The following ZNF770 variants were observed in gnomAD, a reference collection of about 807,000 sequenced individuals.
ZNF770 encodes zinc finger protein 770.
In ZNF770, 13 loss-of-function variants were observed where a neutral mutation model predicts 44.8. The ratio of observed to expected loss-of-function variants is 0.29; its 90% CI spans 0.19 to 0.46. The LOEUF (loss-of-function observed/expected upper bound fraction) is 0.46. ZNF770 is among the 20% of genes least tolerant of loss of function. The pLI is 1.00. For missense variants in ZNF770, 681 were observed against 797.9 expected, an observed-to-expected ratio of 0.85 and a Z score of 1.77; for synonymous variants, 304 against 271.8, an observed-to-expected ratio of 1.12 and a Z score of -1.17.
chr15:34,986,670 T>A (rs984745535), intron 2 of ZNF770, among the ~76,000 whole-genome samples: 3 of 152,184 alleles, frequency 2.0e-5, no homozygotes, highest in African/African-American at 7.2e-5. Flanking sequence ...GTTGATGCAG[T>A]GCATATGAGG....
chr15:34,982,235 A>C lies in ZNF770; in HGVS notation c.1200T>G (p.Asn400Lys), dbSNP rs1001134146. The C allele has an allele frequency of 1.9e-6, 3 of 1,613,616 alleles. No homozygotes were observed. The African/African-American group carries it at 4.0e-5, about 22-fold the overall frequency. ...GKHGTYKTIG[N>K]RKKKTLTLPF... ...GCAAAGTCAATGTTTTCTTCTTTCT[A>C]TTGCCAATTGTTTTATATGTTCCAT... The change falls in exon 3 of 3, where the codon AAT becomes AAG. Residue 400 changes from asparagine (N) to lysine (K), a missense_variant. This residue lies in a region of ZNF770 where 432 missense variants were observed against 434.1 expected (regional missense o/e 1.00). Transcript: ENST00000356321.
intron 2 of ZNF770, 139 bp from the exon 3 acceptor site, chr15:34,983,629 A>G (rs1350250791): frequency 1.0e-5 from 4 of 385,430 alleles, no homozygotes; most frequent in African/African-American, 8.3e-5. Flanking sequence ...AATCATTTTA[A>G]GTAATACTTT....
In ZNF770 at chr15:34,979,836, G is replaced by A; in HGVS notation, c.*1523C>T. 1 of 308,028 alleles carries A rather than the reference G, an allele frequency of 3.2e-6. No individual in the cohort carries two copies. The highest frequency in any genetic ancestry group is 6.5e-6 in the Non-Finnish European group (1 of 155,006). 19.1% of individuals were successfully genotyped at this position (308,028 alleles called of 1,614,324 possible). ...TAACGGTTCATTCCTTTTATTGCTA[G>A]AGAATGTCATTCCTGAAGATTTTAT... On this transcript the variant is annotated 3_prime_UTR_variant, in exon 3 of 3. Transcript: ENST00000356321.
rs370239341 is a variant in ZNF770 at position 34,983,454 on chromosome 15, T to A, written c.-20A>T. 1 of 1,518,694 alleles carries A rather than the reference T, an allele frequency of 6.6e-7. No homozygotes were observed. Among genetic ancestry groups the A allele is most frequent in the East Asian group, 2.3e-5 (1 of 43,854 alleles). 94.1% of individuals were successfully genotyped at this position (1,518,694 alleles called of 1,614,324 possible). ...CATCATATTCTTCAATGATATACTC[T>A]GATGAGCTCCATACTGTTCTTAAAT... is the stretch of plus-strand genomic sequence containing the variant. On this transcript the variant is annotated 5_prime_UTR_variant, in exon 3 of 3. It introduces an in-frame stop codon into an upstream open reading frame of the 5' UTR. Coordinates refer to ENST00000356321, the MANE Select transcript of ZNF770 (RefSeq NM_014106.4).
rs1190210819 is a variant in ZNF770 at position 34,982,505 on chromosome 15, A to G, written c.930T>C (p.Asn310=). 1 of 1,614,058 alleles carries G rather than the reference A, an allele frequency of 6.2e-7. No individual in the cohort carries two copies. The highest frequency in any genetic ancestry group is 1.7e-5 in the Admixed American group (1 of 60,006). ...EKCFESEQIL[N]EHSCFAARSG... ...TTCTAGCAGCAAAACAGCTGTGTTC[A>G]TTGAGAATCTGCTCTGATTCAAAAC... The change falls in exon 3 of 3, where the codon AAT becomes AAC. Residue 310 remains asparagine, a synonymous_variant. Transcript: ENST00000356321.
In ZNF770 at chr15:34,983,233, C is replaced by T; in HGVS notation, c.202G>A (p.Val68Ile). Residue 68 changes from valine (V) to isoleucine (I), a missense_variant, in exon 3 of 3, where the codon GTT becomes ATT. Val to Ile is a conservative substitution (Grantham distance 29). Around this residue, in one of 5 missense-constraint regions of ZNF770, gnomAD observed 65 missense variants for 115.0 expected, o/e 0.57. Coordinates refer to ENST00000356321, the MANE Select transcript of ZNF770 (RefSeq NM_014106.4). ...GTTAGTTGATGCCTCTCCAGATGAA[C>T]TAGTTGTCTAAAGGTTTTATGACAC... ...DVCHKTFRQL[V>I]HLERHQLTHS... 1 of 1,613,010 alleles carries T rather than the reference C, an allele frequency of 6.2e-7. No homozygotes were observed. The highest frequency in any genetic ancestry group is 8.5e-7 in the Non-Finnish European group (1 of 1,179,196).
chr15:34,979,710 T>C lies in ZNF770; in HGVS notation c.*1649A>G. 2.2e-6 allele frequency: 1 copy of C among 446,944 alleles called. No individual in the cohort carries two copies. The highest frequency in any genetic ancestry group is 1.6e-5 in the South Asian group (1 of 62,686). 27.7% of individuals were successfully genotyped at this position (446,944 alleles called of 1,614,324 possible). The stretch of plus-strand genomic sequence containing the variant: ...AGTTCTCAGTTTATGATGCAAAACT[T>C]ACAATTGTTCATTTATCCACATTCT... On this transcript the variant is annotated 3_prime_UTR_variant, in exon 3 of 3. Transcript: ENST00000356321.
rs151083333 is a variant in ZNF770, at chr15:34,986,874, G to A, written c.-57+683C>T. Among the ~76,000 whole-genome samples the A allele has an allele frequency of 5.3e-5, 8 of 152,354 alleles. No individual in the cohort carries two copies. The East Asian group carries it at 1.5e-3, about 29-fold the overall frequency. ...GGCTAGGAAAGAAGTTATGGGATTT[G>A]CATATCTAGCAGGAGGGGCAGGGCA... On this transcript the variant is annotated intron_variant, in intron 2 of 2. Transcript: ENST00000356321.
Position 34,981,240 on chromosome 15 carries a change from G to A in ZNF770, c.*119C>T. ...TCTACCTCCTTACTATGCAGGACAA[G>A]CAAATGCCTGTGAAACCATTCAGTT... On this transcript the variant is annotated 3_prime_UTR_variant, in exon 3 of 3. Transcript: ENST00000356321. 1 of 1,032,704 alleles carries A rather than the reference G, an allele frequency of 9.7e-7. No individual in the cohort carries two copies. Among genetic ancestry groups the A allele is most frequent in the Non-Finnish European group, 1.4e-6 (1 of 733,484 alleles). 64.0% of individuals were successfully genotyped at this position (1,032,704 alleles called of 1,614,324 possible). A position where few individuals can be genotyped will look rare whatever the true frequency, so the allele number is the denominator to read the frequency against.
Position 34,980,220 on chromosome 15 carries a change from G to C in ZNF770, c.*1139C>G, listed in dbSNP as rs1365609967. On this transcript the variant is annotated 3_prime_UTR_variant, in exon 3 of 3. Coordinates refer to ENST00000356321, the MANE Select transcript of ZNF770 (RefSeq NM_014106.4). ...TATGGAGATGAAGATCTCTAGAATA[G>C]TCTTAAGTCTATGACTACTGCTATC... 1 of 152,216 alleles carries C rather than the reference G, an allele frequency of 6.6e-6. No individual in the cohort carries two copies. The highest frequency in any genetic ancestry group is 2.4e-5 in the African/African-American group (1 of 41,436). The allele number at this position is 152,216 out of a possible 1,614,324, so 9.4% of individuals were successfully genotyped here.
rs754504168 is a variant in ZNF770, at chr15:34,982,829, G to C, written c.606C>G (p.His202Gln). 6.2e-6 allele frequency: 10 copies of C among 1,613,844 alleles called. No individual in the cohort carries two copies. Among genetic ancestry groups the C allele is most frequent in the Admixed American group, 3.3e-5 (2 of 60,004 alleles). ...AATGTGTAAGTTGGTGGATTTTTAA[G>C]TGAGTTGACTGTCGAAAAGATTTAG... Reference protein sequence around the residue: ...LCTKSFRQSTHLKIHQLTHSE... With the variant: ...LCTKSFRQSTQLKIHQLTHSE... Residue 202 changes from histidine (H) to glutamine (Q), a missense_variant, in exon 3 of 3, where the codon CAC (histidine) becomes CAG (glutamine). Coordinates refer to ENST00000356321, the MANE Select transcript of ZNF770 (RefSeq NM_014106.4).
In ZNF770 at chr15:34,982,402, G is replaced by A. The variant is rs150448070; in HGVS notation, c.1033C>T (p.Arg345Cys). The change falls in exon 3 of 3, where the codon CGT becomes TGT. Residue 345 changes from arginine (R) to cysteine (C), a missense_variant. Physicochemically the swap from Arg to Cys is radical, Grantham distance 180 (BLOSUM62 -3). Coordinates refer to ENST00000356321, the MANE Select transcript of ZNF770 (RefSeq NM_014106.4). ...IVKKILAKLK[R>C]ARSKKLDNFQ... ...TTATCTAATTTTTTACTCCTAGCAC[G>A]CTTAAGCTTGGCCAAGATTTTTTTA... is the stretch of plus-strand genomic sequence containing the variant. 29 of 1,612,860 alleles carry A rather than the reference G, an allele frequency of 1.8e-5. No homozygotes were observed. Among genetic ancestry groups the A allele is most frequent in the Middle Eastern group, 3.3e-4 (2 of 6,054 alleles).
intron 2 of ZNF770, among the ~76,000 whole-genome samples, chr15:34,984,906 G>A (rs1381550205): frequency 6.6e-6 from 1 of 152,034 alleles, no homozygotes; most frequent in Non-Finnish European, 1.5e-5. Context: ...GCCAAGGCAG[G>A]GAGATCACAT....
Position 34,982,164 on chromosome 15 carries a change from G to A in ZNF770, c.1271C>T (p.Thr424Met), listed in dbSNP as rs573343784. Residue 424 changes from threonine (T) to methionine (M), a missense_variant, in exon 3 of 3, where the codon ACG becomes ATG. Around this residue, in one of 5 missense-constraint regions of ZNF770, gnomAD observed 432 missense variants for 434.1 expected, o/e 1.00. Coordinates refer to ENST00000356321, the MANE Select transcript of ZNF770 (RefSeq NM_014106.4). ...ATCAATGCTTAATATGTTTTCTGTC[G>A]TAAGGATGCCTTTCAAATTTTTTCC... The part of the protein sequence containing the change: ...NMGKNLKGIL[T>M]TENILSIDNS... 165 of 1,613,106 alleles carry A rather than the reference G, an allele frequency of 1.0e-4. No homozygotes were observed. Among genetic ancestry groups the A allele is most frequent in the Admixed American group, 7.7e-4 (46 of 59,850 alleles).
rs2050399011 is a variant in ZNF770, at chr15:34,981,172, T to G, written c.*187A>C. The G allele has an allele frequency of 3.3e-6, 2 of 598,862 alleles. No individual in the cohort carries two copies. The highest frequency in any genetic ancestry group is 3.7e-5 in the African/African-American group (2 of 53,436). The allele number at this position is 598,862 out of a possible 1,614,324, so 37.1% of individuals were successfully genotyped here. On this transcript the variant is annotated 3_prime_UTR_variant, in exon 3 of 3. Transcript: ENST00000356321. ...CAAATCATGTTCTTGCCTCTAAAAT[T>G]AACTTGGCTGTTTCTAAAACATTGT...
Position 34,979,204 on chromosome 15 carries a change from C to G in ZNF770, c.*2155G>C, listed in dbSNP as rs2050385386. ...GTCTCAGAATCATACAAGCACAACACTGTTAGGACTCTCCCTGTTTAGGCT... is the reference window on the plus strand; with the variant it reads ...GTCTCAGAATCATACAAGCACAACAGTGTTAGGACTCTCCCTGTTTAGGCT... On this transcript the variant is annotated 3_prime_UTR_variant, in exon 3 of 3. Coordinates refer to ENST00000356321, the MANE Select transcript of ZNF770 (RefSeq NM_014106.4). The G allele has an allele frequency of 2.6e-5, 4 of 156,838 alleles. No individual in the cohort carries two copies. The highest frequency in any genetic ancestry group is 5.6e-5 in the Non-Finnish European group (4 of 70,802). 9.7% of individuals were successfully genotyped at this position (156,838 alleles called of 1,614,324 possible).
chr15:34,986,541 G>A (rs1322661349), intron 2 of ZNF770, among the ~76,000 whole-genome samples: 1 of 152,190 alleles, frequency 6.6e-6, no homozygotes, highest in African/African-American at 2.4e-5. Flanking sequence ...TCAGGACAAT[G>A]AGTCAAACCA....
chr15:34,981,331 GACC>G lies in ZNF770; in HGVS notation c.*25_*27del, dbSNP rs761867613. The G allele has an allele frequency of 2.7e-5, 42 of 1,573,186 alleles. No individual in the cohort carries two copies. Among genetic ancestry groups the G allele is most frequent in the Non-Finnish European group, 3.5e-5 (41 of 1,165,190 alleles). ...AGGCTTTAAAAATAAGATCACCAGA[GACC>G]ACAATTGTTAGTGGTTGCGACAATT... On this transcript the variant is annotated 3_prime_UTR_variant, in exon 3 of 3. Transcript: ENST00000356321.
At chr15:34,985,496 A>T (rs1022946969) in intron 2 of ZNF770, among the ~76,000 whole-genome samples, 1 of 152,222 alleles carries the variant, frequency 6.6e-6, no homozygotes, top group African/African-American at 2.4e-5. Context: ...TACTGAACAA[A>T]TATCTTTAGT....
Sources: gnomAD v4.1 joint callset for allele counts (sites outside exome capture counted in the v4.1 genomes callset) on GRCh38, gnomAD v4.1.1 for gene constraint, gnomAD v4.1.1 regional missense constraint, MANE v1.5 for transcripts, NCBI Gene and HGNC (gene_info 2026-07-23, HGNC 2026-07-21) for gene names.